MGAM2: variants seen among roughly 807,000 people sequenced by gnomAD.
The protein encoded by MGAM2 is probable maltase-glucoamylase 2.
MGAM2 carries 98 observed loss-of-function variants against 96.1 expected under a neutral mutation model. The observed-to-expected ratio is 1.02, with a 90% CI of 0.87 to 1.21. MGAM2 has a LOEUF of 1.21. Ranked by LOEUF, MGAM2 falls within the 50% of genes most tolerant of loss-of-function variation. The pLI is 0.00. For synonymous variants in MGAM2, 749 were observed against 414.8 expected, an observed-to-expected ratio of 1.81 and a Z score of -9.79; for missense variants, 2,055 against 1,182.4, an observed-to-expected ratio of 1.74 and a Z score of -10.82.
At chr7:142,198,500 G>A (rs1309325554) in intron 43 of MGAM2, 115 bp from the exon 44 acceptor site, 2 of 602,344 alleles carry the variant, frequency 3.3e-6, no homozygotes, top group African/African-American at 3.7e-5. Context: ...TAGGTTTGCA[G>A]TCTTTTGCTG....
At chr7:142,210,985 A>G (rs1797564860) in intron 46 of MGAM2, among the ~76,000 whole-genome samples, 1 of 152,222 alleles carries the variant, frequency 6.6e-6, no homozygotes, top group South Asian at 2.1e-4. Flanking sequence ...AAGCTTCCAG[A>G]GGAAGGAGCA....
At chr7:142,186,424 C>A (rs1294708297) in intron 35 of MGAM2, among the ~76,000 whole-genome samples, 1 of 152,146 alleles carries the variant, frequency 6.6e-6, no homozygotes, top group Non-Finnish European at 1.5e-5. Flanking sequence ...CAATATCACC[C>A]ACTGGCCAAA....
intron 37 of MGAM2, among the ~76,000 whole-genome samples, chr7:142,190,572 C>A (rs1346776607): frequency 6.6e-6 from 1 of 152,096 alleles, no homozygotes; most frequent in Non-Finnish European, 1.5e-5. Context: ...TCGCACCCAG[C>A]CTACCATTTT....
chr7:142,137,634 G>A (rs949131032), intron 9 of MGAM2, 89 bp downstream of exon 9: 3 of 505,778 alleles, frequency 5.9e-6, no homozygotes, highest in East Asian at 3.2e-5. Context: ...AAAGGTATTA[G>A]TAAACTGTAT....
At chr7:142,187,691 A>G (rs566442168) in intron 35 of MGAM2, 59 bp from the exon 36 acceptor site, 7 of 692,776 alleles carry the variant, frequency 1.0e-5, no homozygotes, top group African/African-American at 3.5e-5. Flanking sequence ...AGTGTCCTCT[A>G]TAGCCAAGGC....
chr7:142,180,707 A>G (rs1458410076), intron 32 of MGAM2, among the ~76,000 whole-genome samples: 2 of 152,122 alleles, frequency 1.3e-5, no homozygotes, highest in African/African-American at 2.4e-5. Context: ...ACATAATTCT[A>G]TATTTCTCAG....
At chr7:142,128,501 G>A (rs1264322916) in intron 3 of MGAM2, among the ~76,000 whole-genome samples, 1 of 152,202 alleles carries the variant, frequency 6.6e-6, no homozygotes, top group Non-Finnish European at 1.5e-5. Context: ...CCCATCACAG[G>A]CCAGGAAGCC....
At chr7:142,179,893 A>G (rs1796488300) in intron 32 of MGAM2, among the ~76,000 whole-genome samples, 1 of 151,968 alleles carries the variant, frequency 6.6e-6, no homozygotes, top group Admixed American at 6.6e-5. Context: ...TTAGGGAGGC[A>G]TCCCTCCTCA....
At chr7:142,177,979 CCCA>C (rs1286113186) in intron 32 of MGAM2, among the ~76,000 whole-genome samples, 8 of 152,308 alleles carry the variant, frequency 5.3e-5, no homozygotes, top group Admixed American at 2.6e-4. Flanking sequence ...AATTTACATT[CCCA>C]CCAACAGTGT....
At chr7:142,120,190 C>T (rs77991900) in intron 2 of MGAM2, 112 bp from the exon 3 acceptor site, 7,059 of 618,818 alleles carry the variant, frequency 0.011, 173 homozygotes, top group African/African-American at 0.075. Flanking sequence ...TACCAGCTAC[C>T]GGTGATCTGT....
In MGAM2 at chr7:142,148,246, C is replaced by CAGTTA. The variant is rs1795448142; in HGVS notation, c.1634+674_1634+678dup. Among the ~76,000 whole-genome samples the CAGTTA allele has an allele frequency of 6.6e-6, 1 of 151,798 alleles. No individual in the cohort carries two copies. Among genetic ancestry groups the CAGTTA allele is most frequent in the Non-Finnish European group, 1.5e-5 (1 of 67,924 alleles). The stretch of plus-strand genomic sequence containing the variant: ...ACTACTATCACCATCACCACCACCA[C>CAGTTA]AGTTATCACCACCATCCCCCCCACC... On this transcript the variant is annotated intron_variant, in intron 15 of 47. Coordinates refer to ENST00000477922, the MANE Select transcript of MGAM2 (RefSeq NM_001293626.2). This position sits in a 1 kb window ranked among gnomAD's most constrained non-coding sequence, Gnocchi z 4.2.
chr7:142,175,752 A>C lies in MGAM2; in HGVS notation c.3788A>C (p.Lys1263Thr). ...AGTCTTCTGATTGAGCAAATGAAGA[A>C]AAATGGCATGAGATTTATTCTCATT... ...NLSLLIEQMK[K>T]NGMRFILILD... The change falls in exon 32 of 48, where the codon AAA (lysine) becomes ACA (threonine). Residue 1263 changes from lysine (K) to threonine (T), a missense_variant. Lys to Thr is a moderately conservative substitution (Grantham distance 78). Coordinates refer to ENST00000477922, the MANE Select transcript of MGAM2 (RefSeq NM_001293626.2). 1.4e-6 allele frequency: 1 copy of C among 702,840 alleles called. No homozygotes were observed. Among genetic ancestry groups the C allele is most frequent in the Non-Finnish European group, 2.6e-6 (1 of 384,958 alleles). 43.5% of individuals were successfully genotyped at this position (702,840 alleles called of 1,614,324 possible).
At chr7:142,121,834 T>C (rs949447860) in intron 3 of MGAM2, among the ~76,000 whole-genome samples, 3 of 151,862 alleles carry the variant, frequency 2.0e-5, no homozygotes, top group Non-Finnish European at 4.4e-5. Context: ...AATTTTTCTT[T>C]GTATTAATAT....
rs1159812838 is a variant in MGAM2 at position 142,172,767 on chromosome 7, T to C, written c.3561+3T>C. 5.7e-6 allele frequency: 4 copies of C among 697,524 alleles called. No homozygotes were observed. The East Asian group carries it at 1.1e-4, about 19-fold the overall frequency. The allele number at this position is 697,524 out of a possible 1,614,324, so 43.2% of individuals were successfully genotyped here. ...TTGTAACTCAGCAATACACAGAGGT[T>C]AGAAGCCATTCTGTCCATCAATATA... On this transcript the variant is annotated splice_donor_region_variant and intron_variant, in intron 30 of 47. Coordinates refer to ENST00000477922, the MANE Select transcript of MGAM2 (RefSeq NM_001293626.2).
At chr7:142,122,787 A>C (rs973476051) in intron 3 of MGAM2, among the ~76,000 whole-genome samples, 1 of 152,172 alleles carries the variant, frequency 6.6e-6, no homozygotes, top group African/African-American at 2.4e-5. Flanking sequence ...CACTTCATCC[A>C]TATTTTCAAA....
chr7:142,147,465 A>G lies in MGAM2; in HGVS notation c.1526A>G (p.Asp509Gly). The G allele has an allele frequency of 2.8e-6, 2 of 702,308 alleles. No individual in the cohort carries two copies. The highest frequency in any genetic ancestry group is 5.2e-6 in the Non-Finnish European group (2 of 384,726). The allele number at this position is 702,308 out of a possible 1,614,324, so 43.5% of individuals were successfully genotyped here. The change falls in exon 15 of 48, where the codon GAT (aspartate) becomes GGT (glycine). Residue 509 changes from aspartate (D) to glycine (G), a missense_variant. By Grantham distance (94) the Asp-to-Gly change is moderately conservative. Transcript: ENST00000477922. Reference protein sequence around the residue: ...NFPPFLPRVLDHLLFARTLCM... With the variant: ...NFPPFLPRVLGHLLFARTLCM... ...GAGTATTTCCCTCCAGGAGTTCTGG[A>G]TCACTTACTTTTTGCAAGAACTCTC...
chr7:142,132,440 A>C (rs1794918275), intron 6 of MGAM2, among the ~76,000 whole-genome samples: 1 of 139,838 alleles, frequency 7.2e-6, no homozygotes, highest in Non-Finnish European at 1.5e-5. Context: ...TAATATAATT[A>C]ATAATATTAT....
intron 40 of MGAM2, among the ~76,000 whole-genome samples, chr7:142,197,144 G>A (rs537287159): frequency 9.2e-5 from 14 of 152,216 alleles, no homozygotes; most frequent in African/African-American, 2.2e-4. Context: ...GGTGCTGCAC[G>A]GAAACCTCTC....
intron 37 of MGAM2, among the ~76,000 whole-genome samples, chr7:142,195,177 A>ATG (rs1796992380): frequency 4.6e-5 from 7 of 151,776 alleles, no homozygotes; most frequent in Non-Finnish European, 2.9e-5. Flanking sequence ...GACTACAGAC[A>ATG]CACGTGCACC....
Sources: allele counts gnomAD v4.1 joint callset (sites outside exome capture counted in the v4.1 genomes callset), GRCh38; gene constraint gnomAD v4.1.1; non-coding constraint Gnocchi (gnomAD v3.1); transcripts MANE v1.5; gene names NCBI Gene and HGNC (gene_info 2026-07-23, HGNC 2026-07-21).